The following PAM variants were observed in gnomAD, a reference collection of about 807,000 sequenced individuals.
PAM encodes the protein peptidylglycine alpha-amidating monooxygenase, also known as peptidyl-glycine alpha-amidating monooxygenase.
PAM carries 72 observed loss-of-function variants against 122.1 expected under a neutral mutation model. That is an observed-to-expected ratio of 0.59 (90% CI 0.49 to 0.72). PAM has a LOEUF of 0.72. Among genes scored for constraint, PAM ranks in the 30% least tolerant of loss-of-function variants. The probability of loss-of-function intolerance (pLI) is 0.00; values close to 1 mark genes in which losing one functional copy is unlikely to be tolerated. For missense variants in PAM, 1,106 were observed against 1,183.7 expected (o/e 0.93, Z 0.96); for synonymous variants, 389 against 404.4 (o/e 0.96, Z 0.46).
intron 3 of PAM, among the ~76,000 whole-genome samples, chr5:102,899,382 T>C (rs1245129965): frequency 6.6e-6 from 1 of 151,652 alleles, no homozygotes; most frequent in African/African-American, 2.4e-5. Flanking sequence ...GAATTTGATA[T>C]ATCTATGTAT....
intron 1 of PAM, among the ~76,000 whole-genome samples, chr5:102,767,672 C>T (rs1357231470): frequency 6.6e-6 from 1 of 152,104 alleles, no homozygotes; most frequent in East Asian, 1.9e-4. Context: ...TTCCAAATAG[C>T]TAGATTCTTA....
intron 14 of PAM, among the ~76,000 whole-genome samples, chr5:102,966,088 G>A (rs573360711): frequency 6.6e-6 from 1 of 152,064 alleles, no homozygotes; most frequent in South Asian, 2.1e-4. Flanking sequence ...CTAATTCCAA[G>A]CACTCTCTAT....
chr5:103,030,037 T>C (rs1465572344), downstream of PAM: 2 of 152,154 alleles, frequency 1.3e-5, no homozygotes, highest in African/African-American at 4.8e-5. Flanking sequence ...ATGCAAATGA[T>C]CCATCAGTAG....
chr5:102,811,794 C>A (rs1040309824), intron 1 of PAM, among the ~76,000 whole-genome samples: 2 of 152,086 alleles, frequency 1.3e-5, no homozygotes, highest in African/African-American at 4.8e-5. Flanking sequence ...TAATCATCCC[C>A]AAGGATATTA....
intron 5 of PAM, among the ~76,000 whole-genome samples, chr5:102,917,790 C>A (rs1455238119): frequency 6.6e-6 from 1 of 152,140 alleles, no homozygotes; most frequent in Non-Finnish European, 1.5e-5. Context: ...TGCTGCCCTC[C>A]TTTGCTCTTT....
At chr5:102,938,139 T>A (rs1488833205) in intron 7 of PAM, among the ~76,000 whole-genome samples, 2 of 152,162 alleles carry the variant, frequency 1.3e-5, no homozygotes, top group Non-Finnish European at 2.9e-5. Context: ...TCCCAAATGA[T>A]CTGAAAGAAG....
chr5:102,996,445 A>G (rs1775726750), intron 16 of PAM, among the ~76,000 whole-genome samples: 1 of 152,234 alleles, frequency 6.6e-6, no homozygotes, highest in Non-Finnish European at 1.5e-5. Context: ...ATAATCTGAC[A>G]GCCATTTGTG....
chr5:102,848,794 G>A (rs780861156), intron 1 of PAM, among the ~76,000 whole-genome samples: 31 of 152,158 alleles, frequency 2.0e-4, no homozygotes, highest in Non-Finnish European at 4.0e-4. Flanking sequence ...AAATTTGGGG[G>A]ATCATTCCAG....
intron 1 of PAM, among the ~76,000 whole-genome samples, chr5:102,792,217 T>C (rs762296418): frequency 1.2e-4 from 18 of 152,196 alleles, no homozygotes; most frequent in Admixed American, 2.0e-4. Context: ...TGTGTGTATA[T>C]GTGGGTTTGT....
At chr5:102,925,465 C>T (rs911146713) in intron 6 of PAM, among the ~76,000 whole-genome samples, 6 of 152,188 alleles carry the variant, frequency 3.9e-5, no homozygotes, top group Non-Finnish European at 8.8e-5. Context: ...GACTGCACCT[C>T]TAAATTGTAC....
chr5:102,903,707 A>G (rs1392152634), intron 4 of PAM, among the ~76,000 whole-genome samples: 1 of 151,568 alleles, frequency 6.6e-6, no homozygotes, highest in Non-Finnish European at 1.5e-5. Context: ...CAGAGAGGTT[A>G]AGGAATCTGC....
intron 15 of PAM, among the ~76,000 whole-genome samples, chr5:102,981,683 G>A (rs114810688): frequency 1.7e-3 from 263 of 152,328 alleles, no homozygotes; most frequent in African/African-American, 6.0e-3. Flanking sequence ...CTCTGAGAAC[G>A]TGATGAAAGC....
chr5:102,820,863 A>T (rs1771658783), intron 1 of PAM, among the ~76,000 whole-genome samples: 1 of 152,236 alleles, frequency 6.6e-6, no homozygotes, highest in Non-Finnish European at 1.5e-5. Context: ...ATTTAAAAAC[A>T]TTCTGAAGAA....
intron 5 of PAM, among the ~76,000 whole-genome samples, chr5:102,915,918 T>C (rs1283953823): frequency 6.6e-6 from 1 of 152,074 alleles, no homozygotes; most frequent in Non-Finnish European, 1.5e-5. Flanking sequence ...TGAAATTAAA[T>C]CTATAAGATA....
intron 1 of PAM, among the ~76,000 whole-genome samples, chr5:102,791,566 T>C (rs1219454572): frequency 2.6e-5 from 4 of 152,152 alleles, no homozygotes; most frequent in Non-Finnish European, 5.9e-5. Context: ...AACCCAGTTG[T>C]ATTTTATTTC....
At chr5:102,937,692 T>C (rs901759438) in intron 7 of PAM, among the ~76,000 whole-genome samples, 5 of 152,136 alleles carry the variant, frequency 3.3e-5, no homozygotes, top group African/African-American at 4.8e-5. Flanking sequence ...GAAATGAAGA[T>C]CGATGCTCAG....
chr5:102,821,518 A>C (rs550034460), intron 1 of PAM, among the ~76,000 whole-genome samples: 1 of 152,156 alleles, frequency 6.6e-6, no homozygotes, highest in Non-Finnish European at 1.5e-5. Flanking sequence ...ACTTGTACAA[A>C]TACCCCTTAT....
chr5:102,777,350 A>G (rs1340255159), intron 1 of PAM, among the ~76,000 whole-genome samples: 2 of 152,058 alleles, frequency 1.3e-5, no homozygotes, highest in Non-Finnish European at 2.9e-5. Context: ...CTTTTTCCCC[A>G]TAAACCTTGT....
intron 15 of PAM, among the ~76,000 whole-genome samples, chr5:102,977,878 G>A (rs1768266147): frequency 6.6e-6 from 1 of 151,958 alleles, no homozygotes; most frequent in Non-Finnish European, 1.5e-5. Context: ...AAAATTCACT[G>A]GGCTTTAGTT....
Sources: allele counts gnomAD v4.1 joint callset (sites outside exome capture counted in the v4.1 genomes callset), GRCh38; gene constraint gnomAD v4.1.1; transcripts MANE v1.5; gene names NCBI Gene and HGNC (gene_info 2026-07-23, HGNC 2026-07-21).